Variants in RBFOX1 observed in about 807,000 individuals in gnomAD.
The protein encoded by RBFOX1 is RNA binding fox-1 homolog 1.
In RBFOX1, 8 loss-of-function variants were observed where a neutral mutation model predicts 57.7. The ratio of observed to expected loss-of-function variants is 0.14; its 90% CI spans 0.08 to 0.25. The LOEUF is 0.25. Among genes scored for constraint, RBFOX1 ranks in the 10% least tolerant of loss-of-function variants. The probability of loss-of-function intolerance (pLI) is 1.00; values close to 1 mark genes in which losing one functional copy is unlikely to be tolerated. For synonymous variants in RBFOX1, 326 were observed against 222.4 expected (o/e 1.47, Z -4.15); for missense variants, 611 against 548.5 (o/e 1.11, Z -1.14).
chr16:6,626,919 G>C (rs1353753532), intron 2 of RBFOX1, among the ~76,000 whole-genome samples: 2 of 152,116 alleles, frequency 1.3e-5, no homozygotes, highest in Non-Finnish European at 2.9e-5. Flanking sequence ...TATACACAAA[G>C]GCCCTTTGAA....
chr16:6,618,764 C>G (rs1172942516), intron 2 of RBFOX1, among the ~76,000 whole-genome samples: 1 of 152,114 alleles, frequency 6.6e-6, no homozygotes, highest in Admixed American at 6.5e-5. Context: ...GGTAAACATT[C>G]CAAAGAATCC....
At chr16:6,311,335 CTTTTGGG>C (rs2080285731) in intron 1 of RBFOX1, among the ~76,000 whole-genome samples, 2 of 145,740 alleles carry the variant, frequency 1.4e-5, no homozygotes, top group South Asian at 4.5e-4. Flanking sequence ...GAACTATTGG[CTTTTGGG>C]TTTTGTTCTT....
At chr16:7,601,101 A>G (rs974595664) in intron 9 of RBFOX1, among the ~76,000 whole-genome samples, 5 of 152,202 alleles carry the variant, frequency 3.3e-5, no homozygotes, top group African/African-American at 1.2e-4. Flanking sequence ...GGTGCTAGAC[A>G]TGGCTTTTTC....
At chr16:7,654,208 T>C (rs2065777202) in intron 12 of RBFOX1, among the ~76,000 whole-genome samples, 1 of 152,234 alleles carries the variant, frequency 6.6e-6, no homozygotes, top group South Asian at 2.1e-4. Context: ...TCTTTGAGAC[T>C]GAATGCTGGA....
chr16:7,566,194 T>A (rs986490006), intron 5 of RBFOX1, among the ~76,000 whole-genome samples: 1 of 152,124 alleles, frequency 6.6e-6, no homozygotes, highest in Non-Finnish European at 1.5e-5. Flanking sequence ...AACCTGTCAG[T>A]GAGGGCTTAA....
At chr16:5,459,495 T>C (rs1395841059) in intron 1 of RBFOX1, among the ~76,000 whole-genome samples, 1 of 151,594 alleles carries the variant, frequency 6.6e-6, no homozygotes, top group Non-Finnish European at 1.5e-5. Flanking sequence ...CAGGCTCACG[T>C]GACCAACCGC....
rs944223907 is a variant in RBFOX1, at chr16:7,423,146, C to T, written c.28-95001C>T. ...GAGAGAGAGAATATGAATATGGGTC[C>T]AGTGGTGTTGGAGCCCTGCTGTATT... On this transcript the variant is annotated intron_variant, in intron 4 of 15. Coordinates refer to ENST00000550418, the MANE Select transcript of RBFOX1 (RefSeq NM_018723.4). 28 of 150,830 alleles carry T rather than the reference C, an allele frequency of 1.9e-4. 1 individual carries two copies. Among genetic ancestry groups the T allele is most frequent in the Admixed American group, 1.7e-3 (25 of 15,128 alleles). The allele number at this position is 150,830 out of a possible 1,614,324, so 9.3% of individuals were successfully genotyped here. A position where few individuals can be genotyped will look rare whatever the true frequency, so the allele number is the denominator to read the frequency against.
intron 3 of RBFOX1, among the ~76,000 whole-genome samples, chr16:6,828,907 A>G (rs1016639975): frequency 6.6e-6 from 1 of 152,008 alleles, no homozygotes; most frequent in Admixed American, 6.6e-5. Context: ...GCAGCCCCAA[A>G]TCCCCTTAGG....
chr16:6,834,105 C>A (rs143005821), intron 3 of RBFOX1, among the ~76,000 whole-genome samples: 4 of 152,052 alleles, frequency 2.6e-5, no homozygotes, highest in Non-Finnish European at 4.4e-5. Flanking sequence ...CCCTCTTTCG[C>A]CCGGGCTGGT....
chr16:6,582,897 T>A (rs1214407515), intron 2 of RBFOX1, among the ~76,000 whole-genome samples: 1 of 151,352 alleles, frequency 6.6e-6, no homozygotes, highest in Admixed American at 6.6e-5. Context: ...AAGCTACAGT[T>A]CAATTATTAC....
At chr16:6,383,943 G>A (rs559135438) in intron 2 of RBFOX1, among the ~76,000 whole-genome samples, 5 of 151,744 alleles carry the variant, frequency 3.3e-5, no homozygotes, top group African/African-American at 1.2e-4. Context: ...GAATTTTAAG[G>A]GGAAAAAAAA....
chr16:6,128,929 C>G (rs935523632), intron 1 of RBFOX1, among the ~76,000 whole-genome samples: 2 of 152,150 alleles, frequency 1.3e-5, no homozygotes, highest in African/African-American at 4.8e-5. Flanking sequence ...AAGACCATGC[C>G]TGTTGACTAA....
At chr16:5,770,976 C>T (rs1456350219) in intron 3 of RBFOX1, among the ~76,000 whole-genome samples, 1 of 152,194 alleles carries the variant, frequency 6.6e-6, no homozygotes, top group African/African-American at 2.4e-5. Context: ...CTGGCCACGA[C>T]CCTTTTTGCT....
At chr16:7,160,897 A>G (rs1369179240) in intron 4 of RBFOX1, among the ~76,000 whole-genome samples, 1 of 150,540 alleles carries the variant, frequency 6.6e-6, no homozygotes, top group South Asian at 2.1e-4. Flanking sequence ...TTCCAATTCA[A>G]CTCTAACTTC....
chr16:5,395,378 C>A (rs989864588), intron 1 of RBFOX1, among the ~76,000 whole-genome samples: 1 of 152,134 alleles, frequency 6.6e-6, no homozygotes, highest in South Asian at 2.1e-4. Context: ...GTGAGGGAGA[C>A]CATGACTCCT....
chr16:6,804,351 T>C (rs1471791154), intron 3 of RBFOX1, among the ~76,000 whole-genome samples: 1 of 152,106 alleles, frequency 6.6e-6, no homozygotes, highest in South Asian at 2.1e-4. Context: ...ATAAGACTTC[T>C]TCCTTCATGG....
chr16:7,461,051 C>T lies in RBFOX1; in HGVS notation c.28-57096C>T, dbSNP rs114545328. ...GTGAGGTCTTTAGGTTTCTGTTAGC[C>T]AGATAATTATCTTTTGTTTAGTTAG... On this transcript the variant is annotated intron_variant, in intron 4 of 15. Coordinates refer to ENST00000550418, the MANE Select transcript of RBFOX1 (RefSeq NM_018723.4). 4.5e-3 allele frequency among the ~76,000 whole-genome samples: 686 copies of T among 152,210 alleles called. 8 individuals are homozygous for T. Among genetic ancestry groups the T allele is most frequent in the African/African-American group, 0.016 (656 of 41,512 alleles).
chr16:7,388,044 C>G (rs906199452), intron 4 of RBFOX1, among the ~76,000 whole-genome samples: 1 of 148,540 alleles, frequency 6.7e-6, no homozygotes, highest in Non-Finnish European at 1.5e-5. Flanking sequence ...TTTTGTTTTG[C>G]TTTTTTTTTA....
At chr16:6,446,310 G>T (rs1038380021) in intron 2 of RBFOX1, among the ~76,000 whole-genome samples, 1 of 152,118 alleles carries the variant, frequency 6.6e-6, no homozygotes, top group Non-Finnish European at 1.5e-5. Context: ...GCCAGTAGGT[G>T]CTTTTAAAAA....
Sources: allele counts gnomAD v4.1 joint callset (sites outside exome capture counted in the v4.1 genomes callset), GRCh38; gene constraint gnomAD v4.1.1; transcripts MANE v1.5; gene names NCBI Gene and HGNC (gene_info 2026-07-23, HGNC 2026-07-21).